Variants in SLC17A6 observed in about 807,000 individuals in gnomAD.
The protein encoded by SLC17A6 is solute carrier family 17 member 6.
In SLC17A6, 35 loss-of-function variants were observed where a neutral mutation model predicts 67.1. The ratio of observed to expected loss-of-function variants is 0.52; its 90% CI spans 0.40 to 0.69. The LOEUF is 0.69. Ranked by LOEUF, SLC17A6 falls within the 30% of genes least tolerant of loss-of-function variation. SLC17A6 has a pLI of 0.00. For synonymous variants in SLC17A6, 285 were observed against 252.3 expected (o/e 1.13, Z -1.23); for missense variants, 588 against 723.9 (o/e 0.81, Z 2.15).
chr11:22,356,997 C>A (rs574463063), intron 3 of SLC17A6, among the ~76,000 whole-genome samples: 167 of 152,254 alleles, frequency 1.1e-3, no homozygotes, highest in African/African-American at 3.9e-3. Flanking sequence ...TGAAGATTAT[C>A]ATTTAAATTT....
rs1307819571 is a variant in SLC17A6 at position 22,377,860 on chromosome 11, A to G, written c.*120A>G. On this transcript the variant is annotated 3_prime_UTR_variant, in exon 12 of 12. Coordinates refer to ENST00000263160, the MANE Select transcript of SLC17A6 (RefSeq NM_020346.3). The stretch of plus-strand genomic sequence containing the variant: ...ATATCAACCAGGCAAGTCTTGCTGT[A>G]AAAATGAAAACAAAACAAACCCATG... 1 of 832,050 alleles carries G rather than the reference A, an allele frequency of 1.2e-6. No homozygotes were observed. 51.5% of individuals were successfully genotyped at this position (832,050 alleles called of 1,614,324 possible). A position where few individuals can be genotyped will look rare whatever the true frequency, so the allele number is the denominator to read the frequency against.
chr11:22,378,673 T>TCTTC lies in SLC17A6; in HGVS notation c.*938_*941dup, dbSNP rs1856261421. The TCTTC allele has an allele frequency of 1.3e-5, 2 of 152,388 alleles. No homozygotes were observed. The allele number at this position is 152,388 out of a possible 1,614,324, so 9.4% of individuals were successfully genotyped here. On this transcript the variant is annotated 3_prime_UTR_variant, in exon 12 of 12. Transcript: ENST00000263160. ...AAATAGAAAATGGTTTAGATATCTT[T>TCTTC]CTTCCTTCATAATTAAATACTATAT...
intron 3 of SLC17A6, among the ~76,000 whole-genome samples, chr11:22,355,907 T>G (rs916379647): frequency 6.6e-6 from 1 of 152,210 alleles, no homozygotes. Flanking sequence ...TTGTTTTCTA[T>G]CTGTACTTCT....
chr11:22,374,657 C>A, intron 8 of SLC17A6, 98 bp from the exon 9 acceptor site: 1 of 973,752 alleles, frequency 1.0e-6, no homozygotes, highest in Non-Finnish European at 1.5e-6. Flanking sequence ...CTTCCTTTGT[C>A]CATAAAGATG....
At chr11:22,349,033 C>A (rs879400990) in intron 3 of SLC17A6, among the ~76,000 whole-genome samples, 2 of 152,108 alleles carry the variant, frequency 1.3e-5, no homozygotes, top group Admixed American at 1.3e-4. Flanking sequence ...CATCATCAAA[C>A]ACACACGGAC....
intron 9 of SLC17A6, 62 bp downstream of exon 9, chr11:22,374,949 GAATAACT>G: frequency 6.9e-7 from 1 of 1,446,218 alleles, no homozygotes; most frequent in Middle Eastern, 1.8e-4. Flanking sequence ...CTACATGAGA[GAATAACT>G]TTTTCTACAC....
At chr11:22,363,797 A>T (rs1246917079) in intron 6 of SLC17A6, among the ~76,000 whole-genome samples, 2 of 151,954 alleles carry the variant, frequency 1.3e-5, no homozygotes, top group Non-Finnish European at 1.5e-5. Context: ...TTTCTTAGGG[A>T]GATTTTTTAA....
intron 8 of SLC17A6, among the ~76,000 whole-genome samples, chr11:22,370,709 A>T (rs560467973): frequency 1.2e-4 from 18 of 152,256 alleles, no homozygotes; most frequent in African/African-American, 4.1e-4. Context: ...GTTGAACACA[A>T]TGTGCAGAAC....
Position 22,377,722 on chromosome 11 carries a change from C to A in SLC17A6, c.1731C>A (p.Asp577Glu). 6.4e-7 allele frequency: 1 copy of A among 1,574,678 alleles called. No individual in the cohort carries two copies. The highest frequency in any genetic ancestry group is 8.6e-7 in the Non-Finnish European group (1 of 1,161,246). ...TACAAGACTCACATAGCTATAAGGA[C>A]CGAGTTGATTATTCATAACAAAACT... ...GEVQDSHSYK[D>E]RVDYS The change falls in exon 12 of 12, where the codon GAC becomes GAA. Residue 577 changes from aspartate (D) to glutamate (E), a missense_variant. Transcript: ENST00000263160.
chr11:22,376,178 T>C, intron 10 of SLC17A6, 86 bp downstream of exon 10: 1 of 736,772 alleles, frequency 1.4e-6, no homozygotes, highest in Non-Finnish European at 2.2e-6. Flanking sequence ...TTTTTATAGA[T>C]ATCTTCATAT....
In SLC17A6 at chr11:22,377,843, C is replaced by A; in HGVS notation, c.*103C>A. 2.2e-6 allele frequency: 2 copies of A among 929,988 alleles called. No individual in the cohort carries two copies. The highest frequency in any genetic ancestry group is 1.6e-6 in the Non-Finnish European group (1 of 632,870). 57.6% of individuals were successfully genotyped at this position (929,988 alleles called of 1,614,324 possible). On this transcript the variant is annotated 3_prime_UTR_variant, in exon 12 of 12. Coordinates refer to ENST00000263160, the MANE Select transcript of SLC17A6 (RefSeq NM_020346.3). ...GATGTAAACTTGCAAGCATATCAAC[C>A]AGGCAAGTCTTGCTGTAAAAATGAA...
chr11:22,358,887 A>G (rs562644063), intron 3 of SLC17A6, among the ~76,000 whole-genome samples: 151 of 152,296 alleles, frequency 9.9e-4, no homozygotes, highest in African/African-American at 3.5e-3. Flanking sequence ...ATACGAGTTC[A>G]TTTATAAAAT....
In SLC17A6 at chr11:22,341,598, C is replaced by T. The variant is rs753187061; in HGVS notation, c.157C>T (p.Pro53Ser). 2 of 1,614,080 alleles carry T rather than the reference C, an allele frequency of 1.2e-6. No individual in the cohort carries two copies. The highest frequency in any genetic ancestry group is 2.2e-5 in the South Asian group (2 of 91,086). Reference sequence around the variant, plus strand: ...GGAGGATGGGAAGCCCCTAGAGGTGCCCGAGAGGAAGGCGCCGCTGTGCGA... The same window carrying T: ...GGAGGATGGGAAGCCCCTAGAGGTGTCCGAGAGGAAGGCGCCGCTGTGCGA... ...LTEDGKPLEV[P>S]ERKAPLCDCT... Residue 53 changes from proline (P) to serine (S), a missense_variant, in exon 2 of 12, where the codon CCC becomes TCC. Around this residue, in one of 4 missense-constraint regions of SLC17A6, gnomAD observed 117 missense variants for 98.7 expected, o/e 1.19. Coordinates refer to ENST00000263160, the MANE Select transcript of SLC17A6 (RefSeq NM_020346.3).
intron 4 of SLC17A6, among the ~76,000 whole-genome samples, chr11:22,359,944 C>T (rs756357942): frequency 6.6e-6 from 1 of 152,030 alleles, no homozygotes; most frequent in East Asian, 1.9e-4. Flanking sequence ...AATATTTCAT[C>T]GAATGCATTT....
At chr11:22,339,155 A>T (rs1348947) in intron 1 of SLC17A6, among the ~76,000 whole-genome samples, 614 of 28,652 alleles carry the variant, frequency 0.021, 65 homozygotes, top group African/African-American at 0.027. Flanking sequence ...ATATATAGTT[A>T]TATATATATG....
chr11:22,354,118 T>C (rs768778832), intron 3 of SLC17A6, among the ~76,000 whole-genome samples: 3 of 152,004 alleles, frequency 2.0e-5, no homozygotes, highest in East Asian at 3.9e-4. Flanking sequence ...AGTTTTGCTC[T>C]TGTTGCCCAG....
chr11:22,338,437 C>A lies in SLC17A6; in HGVS notation c.-97C>A. 1.2e-6 allele frequency: 1 copy of A among 855,034 alleles called. No homozygotes were observed. Among genetic ancestry groups the A allele is most frequent in the Non-Finnish European group, 1.9e-6 (1 of 524,680 alleles). The allele number at this position is 855,034 out of a possible 1,614,324, so 53.0% of individuals were successfully genotyped here. On this transcript the variant is annotated 5_prime_UTR_variant, in exon 1 of 12. Coordinates refer to ENST00000263160, the MANE Select transcript of SLC17A6 (RefSeq NM_020346.3). Reference sequence around the variant, plus strand: ...CATTCTGCTGAGAAGGAAAAGCCCGCAACTACTTTAAGAGATTAAGACAAT... The same window carrying A: ...CATTCTGCTGAGAAGGAAAAGCCCGAAACTACTTTAAGAGATTAAGACAAT...
At chr11:22,357,220 A>T (rs2133867648) in intron 3 of SLC17A6, among the ~76,000 whole-genome samples, 1 of 152,294 alleles carries the variant, frequency 6.6e-6, no homozygotes, top group East Asian at 1.9e-4. Context: ...GTTTTAATGG[A>T]TATATGGTAT....
Position 22,362,825 on chromosome 11 carries a change from G to A in SLC17A6, c.748G>A (p.Gly250Arg), listed in dbSNP as rs1412555113. 4 of 1,611,832 alleles carry A rather than the reference G, an allele frequency of 2.5e-6. No homozygotes were observed. Among genetic ancestry groups the A allele is most frequent in the African/African-American group, 1.3e-5 (1 of 74,824 alleles). ...TGWSSVFYVY[G>R]SFGMVWYMFW... ...CTGGTCTTCAGTGTTTTATGTCTAC[G>A]GTATGTTATATTTCTATGCAATAGA... The change falls in exon 6 of 12, where the codon GGA (glycine) becomes AGA (arginine). Residue 250 changes from glycine to arginine, a missense_variant and splice_region_variant. Coordinates refer to ENST00000263160, the MANE Select transcript of SLC17A6 (RefSeq NM_020346.3).
Sources: gnomAD v4.1 joint callset for allele counts (sites outside exome capture counted in the v4.1 genomes callset) on GRCh38, gnomAD v4.1.1 for gene constraint, gnomAD v4.1.1 regional missense constraint, MANE v1.5 for transcripts, NCBI Gene and HGNC (gene_info 2026-07-23, HGNC 2026-07-21) for gene names.